The following WNT9A variants were observed in gnomAD, a reference collection of about 807,000 sequenced individuals.
The protein encoded by WNT9A is Wnt family member 9A, also known as protein Wnt-9a.
A neutral mutation model predicts 31.4 loss-of-function variants in WNT9A; 8 were observed. The observed-to-expected ratio is 0.26, with a 90% CI of 0.15 to 0.46. The LOEUF is 0.46. Ranked by LOEUF, WNT9A falls within the 20% of genes least tolerant of loss-of-function variation. The pLI is 0.99. For synonymous variants in WNT9A, 236 were observed against 220.1 expected (o/e 1.07, Z -0.64); for missense variants, 457 against 522.9 (o/e 0.87, Z 1.23).
intron 3 of WNT9A, among the ~76,000 whole-genome samples, chr1:227,922,812 C>T (rs769283662): frequency 5.3e-5 from 8 of 152,286 alleles, no homozygotes; most frequent in Middle Eastern, 3.4e-3. Flanking sequence ...AGGTGGGACC[C>T]GAGCCAGGCG....
intron 1 of WNT9A, among the ~76,000 whole-genome samples, chr1:227,936,307 A>C (rs1433525272): frequency 6.6e-6 from 1 of 151,872 alleles, no homozygotes; most frequent in African/African-American, 2.4e-5. Flanking sequence ...TTCCTGCCTC[A>C]GCCTCCCAAG....
chr1:227,932,095 A>G (rs1285508120), intron 1 of WNT9A, among the ~76,000 whole-genome samples: 1 of 152,238 alleles, frequency 6.6e-6, no homozygotes, highest in African/African-American at 2.4e-5. Context: ...AGACTTCTCT[A>G]TAGCAGGTGA....
In WNT9A at chr1:227,942,662, C is replaced by A. The variant is rs184394152; in HGVS notation, c.95+5131G>T. Among the ~76,000 whole-genome samples, 900 of 152,282 alleles carry A rather than the reference C, an allele frequency of 5.9e-3. 13 individuals are homozygous for A. Among genetic ancestry groups the A allele is most frequent in the African/African-American group, 0.021 (869 of 41,566 alleles). On this transcript the variant is annotated intron_variant, in intron 1 of 3. Transcript: ENST00000272164. The surrounding 1 kb of genome is among the most constrained non-coding windows in gnomAD (Gnocchi z 5.7). ...AAGGCAGCTCCCTGGCCCCTTTCCT[C>A]CCTGCCCTTCTGGCCCTCCAGAGCA...
chr1:227,947,305 T>TTC (rs71762594), intron 1 of WNT9A, among the ~76,000 whole-genome samples: 7 of 151,780 alleles, frequency 4.6e-5, no homozygotes, highest in Admixed American at 3.3e-4. Context: ...ATTTCTCTCT[T>TTC]TCTCTCTCTC....
Position 227,925,546 on chromosome 1 carries a change from C to T in WNT9A, c.96-27G>A. 3 of 1,485,892 alleles carry T rather than the reference C, an allele frequency of 2.0e-6. No individual in the cohort carries two copies. Among genetic ancestry groups the T allele is most frequent in the Non-Finnish European group, 2.7e-6 (3 of 1,120,658 alleles). 92.0% of individuals were successfully genotyped at this position (1,485,892 alleles called of 1,614,324 possible). On this transcript the variant is annotated intron_variant, in intron 1 of 3. Coordinates refer to ENST00000272164, the MANE Select transcript of WNT9A (RefSeq NM_003395.4). This position sits in a 1 kb window ranked among gnomAD's most constrained non-coding sequence, Gnocchi z 6.0. ...TGGGCACAGAGAGGCCAGCATGAGCCCGGCCCCAGGAAGCCCTGCTGGAGC... is the reference window on the plus strand; with the variant it reads ...TGGGCACAGAGAGGCCAGCATGAGCTCGGCCCCAGGAAGCCCTGCTGGAGC...
intron 1 of WNT9A, among the ~76,000 whole-genome samples, chr1:227,932,343 C>T (rs1298936888): frequency 6.6e-6 from 1 of 152,206 alleles, no homozygotes; most frequent in Non-Finnish European, 1.5e-5. Flanking sequence ...GAGACTGCAG[C>T]AATTCGGTCC....
chr1:227,921,568 C>T lies in WNT9A; in HGVS notation c.1048G>A (p.Glu350Lys). 6.2e-7 allele frequency: 1 copy of T among 1,613,450 alleles called. No homozygotes were observed. The highest frequency in any genetic ancestry group is 8.5e-7 in the Non-Finnish European group (1 of 1,179,960). ...TCACGCTGCGTGCACTGCCTGCACT[C>T]CACATAGCAGCACCAACGCACCTGG... ...QCQVRWCCYV[E>K]CRQCTQREEV... Residue 350 changes from glutamate (E) to lysine (K), a missense_variant, in exon 4 of 4, where the codon GAG becomes AAG. Glu to Lys is a moderately conservative substitution (Grantham distance 56, BLOSUM62 1). Coordinates refer to ENST00000272164, the MANE Select transcript of WNT9A (RefSeq NM_003395.4).
rs1666306095 is a variant in WNT9A, at chr1:227,921,207, C to T, written c.*311G>A. On this transcript the variant is annotated 3_prime_UTR_variant, in exon 4 of 4. Coordinates refer to ENST00000272164, the MANE Select transcript of WNT9A (RefSeq NM_003395.4). ...TACACTCCTCACACCGTGTGCAATGCCTGTGCCATGTGCAGCAGGGCTGAC... is the reference window on the plus strand; with the variant it reads ...TACACTCCTCACACCGTGTGCAATGTCTGTGCCATGTGCAGCAGGGCTGAC... 11 of 388,708 alleles carry T rather than the reference C, an allele frequency of 2.8e-5. No homozygotes were observed. In the South Asian group the frequency reaches 4.2e-4, roughly 15 times the overall value. The allele number at this position is 388,708 out of a possible 1,614,324, so 24.1% of individuals were successfully genotyped here. A position where few individuals can be genotyped will look rare whatever the true frequency, so the allele number is the denominator to read the frequency against.
chr1:227,924,286 T>C lies in WNT9A; in HGVS notation c.467A>G (p.Asp156Gly), dbSNP rs746136042. 3 of 1,613,774 alleles carry C rather than the reference T, an allele frequency of 1.9e-6. No homozygotes were observed. The highest frequency in any genetic ancestry group is 2.7e-5 in the African/African-American group (2 of 75,026). The part of the protein sequence containing the change: ...MERCTCDEAP[D>G]LENREAWQWG... ...CTGCCAGGCCTCACGGTTCTCCAGG[T>C]CGGGTGCCTCATCGCAGGTACAGCG... The change falls in exon 3 of 4, where the codon GAC becomes GGC. Residue 156 changes from aspartate to glycine, a missense_variant. Transcript: ENST00000272164.
rs1666463241 is a variant in WNT9A at position 227,928,887 on chromosome 1, A to G, written c.96-3368T>C. Among the ~76,000 whole-genome samples, 1 of 152,228 alleles carries G rather than the reference A, an allele frequency of 6.6e-6. No individual in the cohort carries two copies. The highest frequency in any genetic ancestry group is 1.5e-5 in the Non-Finnish European group (1 of 68,044). The stretch of plus-strand genomic sequence containing the variant: ...ATATTTGACTACTTAAAAGTATAAA[A>G]ATCTCTGCACAGCAAAGAACAAAAA... On this transcript the variant is annotated intron_variant, in intron 1 of 3. Transcript: ENST00000272164. The surrounding 1 kb of genome is among the most constrained non-coding windows in gnomAD (Gnocchi z 4.5).
Position 227,920,390 on chromosome 1 carries a change from G to C in WNT9A, c.*1128C>G, listed in dbSNP as rs950514220. The C allele has an allele frequency of 1.3e-5, 2 of 152,256 alleles. No homozygotes were observed. Among genetic ancestry groups the C allele is most frequent in the Non-Finnish European group, 2.9e-5 (2 of 68,052 alleles). 9.4% of individuals were successfully genotyped at this position (152,256 alleles called of 1,614,324 possible). On this transcript the variant is annotated 3_prime_UTR_variant, in exon 4 of 4. Transcript: ENST00000272164. ...GCGGGGCCCTCCCAGACTGGGGCTT[G>C]GCCGAGAGCGGGGAGCTGCAGCCGG...
rs1286353625 is a variant in WNT9A at position 227,926,318 on chromosome 1, C to A, written c.96-799G>T. Among the ~76,000 whole-genome samples the A allele has an allele frequency of 6.6e-6, 1 of 152,140 alleles. No individual in the cohort carries two copies. Among genetic ancestry groups the A allele is most frequent in the African/African-American group, 2.4e-5 (1 of 41,424 alleles). On this transcript the variant is annotated intron_variant, in intron 1 of 3. Coordinates refer to ENST00000272164, the MANE Select transcript of WNT9A (RefSeq NM_003395.4). This position sits in a 1 kb window ranked among gnomAD's most constrained non-coding sequence, Gnocchi z 5.0. ...ACTGAGGACGCATCCCCAACCTCAACTGCTCCAGGAACCCGGCTCCACCCC... is the reference window on the plus strand; with the variant it reads ...ACTGAGGACGCATCCCCAACCTCAAATGCTCCAGGAACCCGGCTCCACCCC...
In WNT9A at chr1:227,925,662, G is replaced by A; in HGVS notation, c.96-143C>T. On this transcript the variant is annotated intron_variant, in intron 1 of 3. Coordinates refer to ENST00000272164, the MANE Select transcript of WNT9A (RefSeq NM_003395.4). This position sits in a 1 kb window ranked among gnomAD's most constrained non-coding sequence, Gnocchi z 6.0. ...GAAAGAATCCAGGATGAGCCAGGCA[G>A]GGGAGAGGGAGGCGAGAAGGGCCTT... The A allele has an allele frequency of 7.5e-7, 1 of 1,331,300 alleles. No homozygotes were observed. The allele number at this position is 1,331,300 out of a possible 1,614,324, so 82.5% of individuals were successfully genotyped here.
At chr1:227,936,130 T>C (rs146512064) in intron 1 of WNT9A, among the ~76,000 whole-genome samples, 1 of 152,344 alleles carries the variant, frequency 6.6e-6, no homozygotes, top group African/African-American at 2.4e-5. Flanking sequence ...TCATCTGTAT[T>C]CTTCTTTCTC....
chr1:227,940,832 C>T (rs1572135053), intron 1 of WNT9A, among the ~76,000 whole-genome samples: 1 of 152,234 alleles, frequency 6.6e-6, no homozygotes, highest in African/African-American at 2.4e-5. Flanking sequence ...AGGACCATGC[C>T]GGGAGGGCAA....
At chr1:227,924,058 C>T in intron 3 of WNT9A, 80 bp downstream of exon 3, 1 of 689,232 alleles carries the variant, frequency 1.5e-6, no homozygotes, top group Non-Finnish European at 2.1e-6. Flanking sequence ...AGCCCCGCCC[C>T]CAGTCCCACG....
chr1:227,935,929 G>A (rs1041755917), intron 1 of WNT9A, among the ~76,000 whole-genome samples: 7 of 152,084 alleles, frequency 4.6e-5, no homozygotes, highest in African/African-American at 9.7e-5. Flanking sequence ...CGACTCTCCC[G>A]CCCTGAGTTA....
rs552290836 is a variant in WNT9A, at chr1:227,923,604, C to T, written c.615+534G>A. Among the ~76,000 whole-genome samples the T allele has an allele frequency of 1.7e-3, 259 of 152,298 alleles. 1 individual carries two copies. Among genetic ancestry groups the T allele is most frequent in the Admixed American group, 3.5e-3 (53 of 15,304 alleles). On this transcript the variant is annotated intron_variant, in intron 3 of 3. Transcript: ENST00000272164. ...GGGATTCTGTCTCTCAGAACAGACG[C>T]CTGGCCACGGAGAGGGCTGGTGGGG...
intron 1 of WNT9A, among the ~76,000 whole-genome samples, chr1:227,938,298 TAC>T (rs1265077597): frequency 4.9e-5 from 6 of 121,970 alleles, no homozygotes; most frequent in African/African-American, 2.0e-4. Context: ...CACACACGCA[TAC>T]ACACACACAT....
Sources: allele counts gnomAD v4.1 joint callset (sites outside exome capture counted in the v4.1 genomes callset), GRCh38; gene constraint gnomAD v4.1.1; non-coding constraint Gnocchi (gnomAD v3.1); transcripts MANE v1.5; gene names NCBI Gene and HGNC (gene_info 2026-07-23, HGNC 2026-07-21).